The following B4GALNT2 variants were observed in gnomAD, a reference collection of about 807,000 sequenced individuals.
B4GALNT2 encodes the protein beta-1,4-N-acetyl-galactosaminyltransferase 2 (SID blood group).
Under a neutral mutation model 51.1 loss-of-function variants are expected in B4GALNT2, and 42 were observed. That is an observed-to-expected ratio of 0.82 (90% CI 0.64 to 1.06). The LOEUF is 1.06. Ranked by LOEUF, B4GALNT2 falls within the 50% of genes least tolerant of loss-of-function variation. B4GALNT2 has a pLI of 0.00. For missense variants in B4GALNT2, 602 were observed against 633.6 expected, an observed-to-expected ratio of 0.95 and a Z score of 0.54; for synonymous variants, 253 against 251.7, an observed-to-expected ratio of 1.01 and a Z score of -0.05.
intron 6 of B4GALNT2, among the ~76,000 whole-genome samples, chr17:49,159,626 T>C (rs1280767388): frequency 6.6e-6 from 1 of 152,130 alleles, no homozygotes; most frequent in African/African-American, 2.4e-5. Flanking sequence ...AGGCGTGAGC[T>C]ACAGCGTCTG....
At chr17:49,165,598 CTCTT>C (rs1217693663) in intron 8 of B4GALNT2, among the ~76,000 whole-genome samples, 40 of 139,460 alleles carry the variant, frequency 2.9e-4, no homozygotes, top group African/African-American at 8.9e-4. Flanking sequence ...TCCCCACTCT[CTCTT>C]TCTCTCTCCC....
intron 6 of B4GALNT2, among the ~76,000 whole-genome samples, 195 bp from the exon 7 acceptor site, chr17:49,160,360 A>G (rs1239426782): frequency 6.6e-6 from 1 of 152,186 alleles, no homozygotes; most frequent in Non-Finnish European, 1.5e-5. Context: ...CTTAGGAGTC[A>G]TTCAGCACGT....
At chr17:49,154,301 G>A (rs999456379) in intron 4 of B4GALNT2, among the ~76,000 whole-genome samples, 7 of 152,008 alleles carry the variant, frequency 4.6e-5, no homozygotes, top group Admixed American at 1.3e-4. Context: ...GAGCCTGGCC[G>A]GGAGTGCATT....
At position 49,170,643 on chromosome 17, in the gene B4GALNT2, A is replaced by T. The variant is rs1411880335; in HGVS notation, c.*915A>T. On this transcript the variant is annotated 3_prime_UTR_variant, in exon 11 of 11. Coordinates refer to ENST00000393354, the MANE Select transcript of B4GALNT2 (RefSeq NM_001159387.2). ...CTTTCTGTTGCCTGGGGGTTGGCAG[A>T]TTGCCGAGACCAGCTTGGTCATGGA... is the stretch of plus-strand genomic sequence containing the variant. 6.6e-6 allele frequency: 1 copy of T among 152,276 alleles called. No individual in the cohort carries two copies. Among genetic ancestry groups the T allele is most frequent in the Non-Finnish European group, 1.5e-5 (1 of 68,072 alleles). The allele number at this position is 152,276 out of a possible 1,614,324, so 9.4% of individuals were successfully genotyped here.
At position 49,172,664 on chromosome 17, in the gene B4GALNT2, CAT is replaced by C. The variant is rs1441583385; in HGVS notation, c.*2940_*2941del. The C allele has an allele frequency of 1.3e-5, 2 of 153,464 alleles. No homozygotes were observed. The highest frequency in any genetic ancestry group is 4.8e-5 in the African/African-American group (2 of 41,424). 9.5% of individuals were successfully genotyped at this position (153,464 alleles called of 1,614,324 possible). A position where few individuals can be genotyped will look rare whatever the true frequency, so the allele number is the denominator to read the frequency against. Reference sequence around the variant, plus strand: ...GATGCCAGTAATGTGTTTAATATTCCATATAGAGAAAAATGTAGCTAGAGCTT... The same window carrying C: ...GATGCCAGTAATGTGTTTAATATTCCATAGAGAAAAATGTAGCTAGAGCTT... On this transcript the variant is annotated 3_prime_UTR_variant, in exon 11 of 11. Transcript: ENST00000393354.
At chr17:49,139,899 G>A (rs1249781516) in intron 1 of B4GALNT2, among the ~76,000 whole-genome samples, 1 of 151,230 alleles carries the variant, frequency 6.6e-6, no homozygotes, top group Non-Finnish European at 1.5e-5. Flanking sequence ...CCTAATACGT[G>A]GCCAACTTTT....
the B4GALNT2 span, among the ~76,000 whole-genome samples, chr17:49,125,861 G>C: frequency 7.6e-6 from 1 of 131,026 alleles, no homozygotes; most frequent in African/African-American, 2.8e-5. Flanking sequence ...CAGCCACCCC[G>C]TCCGGGAGGG....
intron 7 of B4GALNT2, among the ~76,000 whole-genome samples, chr17:49,162,833 A>G (rs534505091): frequency 6.5e-4 from 90 of 139,224 alleles, no homozygotes; most frequent in African/African-American, 2.0e-3. Context: ...GAATCGCTTG[A>G]ACCTGGGAGG....
intron 3 of B4GALNT2, among the ~76,000 whole-genome samples, chr17:49,143,042 A>G (rs1163698027): frequency 1.3e-5 from 2 of 152,194 alleles, no homozygotes; most frequent in African/African-American, 4.8e-5. Flanking sequence ...TGAGGTCAGG[A>G]GTTCGAGACC....
chr17:49,122,286 A>T, the B4GALNT2 span, among the ~76,000 whole-genome samples: 2 of 152,166 alleles, frequency 1.3e-5, no homozygotes, highest in African/African-American at 4.8e-5. Flanking sequence ...CAAGATGGTG[A>T]TGCTCCTGCT....
chr17:49,157,840 C>T (rs564965712), intron 5 of B4GALNT2, among the ~76,000 whole-genome samples: 25 of 152,324 alleles, frequency 1.6e-4, no homozygotes, highest in Admixed American at 1.2e-3. Flanking sequence ...CTCTCTTCCA[C>T]GCTGGAATAC....
At chr17:49,149,760 G>C (rs2042731414) in intron 3 of B4GALNT2, among the ~76,000 whole-genome samples, 1 of 152,090 alleles carries the variant, frequency 6.6e-6, no homozygotes, top group Non-Finnish European at 1.5e-5. Flanking sequence ...CTTTCACCTA[G>C]CATCTTACTT....
At chr17:49,120,419 G>A in the B4GALNT2 span, among the ~76,000 whole-genome samples, 77,808 of 151,748 alleles carry the variant, frequency 0.51, 20,330 homozygotes, top group Middle Eastern at 0.63. Flanking sequence ...AACCAGAGGC[G>A]GAAGGGTAAA....
intron 3 of B4GALNT2, among the ~76,000 whole-genome samples, chr17:49,150,515 A>T (rs1046976883): frequency 1.3e-5 from 2 of 152,008 alleles, no homozygotes; most frequent in African/African-American, 4.8e-5. Context: ...GAGAAATCGG[A>T]TGGTTGCCGT....
intron 3 of B4GALNT2, among the ~76,000 whole-genome samples, chr17:49,150,248 G>A (rs951056013): frequency 2.1e-5 from 3 of 145,380 alleles, no homozygotes; most frequent in Non-Finnish European, 4.5e-5. Flanking sequence ...GAGGGAGGTG[G>A]GGGGGTCAGC....
Position 49,132,816 on chromosome 17 carries a change from C to T in B4GALNT2, c.14+10C>T, listed in dbSNP as rs1217349768. The stretch of plus-strand genomic sequence containing the variant: ...GGATGACTTCGGGCGGGTGAGTGTC[C>T]CCGGGGCAGAGCAGAGCGAGAGGTG... On this transcript the variant is annotated intron_variant, in intron 1 of 10. Coordinates refer to ENST00000393354, the MANE Select transcript of B4GALNT2 (RefSeq NM_001159387.2). The T allele has an allele frequency of 1.0e-5, 14 of 1,376,616 alleles. No individual in the cohort carries two copies. The highest frequency in any genetic ancestry group is 1.3e-5 in the Non-Finnish European group (14 of 1,063,424). The allele number at this position is 1,376,616 out of a possible 1,614,324, so 85.3% of individuals were successfully genotyped here. A position where few individuals can be genotyped will look rare whatever the true frequency, so the allele number is the denominator to read the frequency against.
In B4GALNT2 at chr17:49,152,923, A is replaced by G. The variant is rs765654027; in HGVS notation, c.460+17A>G. 3 of 1,582,186 alleles carry G rather than the reference A, an allele frequency of 1.9e-6. No individual in the cohort carries two copies. Among genetic ancestry groups the G allele is most frequent in the South Asian group, 2.3e-5 (2 of 88,440 alleles). ...CCATCCCAGGTAAGTACATCCACAT[A>G]CCAAGAGACCCCAGACAACATTCTC... On this transcript the variant is annotated intron_variant, in intron 4 of 10. Coordinates refer to ENST00000393354, the MANE Select transcript of B4GALNT2 (RefSeq NM_001159387.2).
intron 3 of B4GALNT2, among the ~76,000 whole-genome samples, chr17:49,152,305 G>T (rs2042765277): frequency 6.6e-6 from 1 of 152,190 alleles, no homozygotes; most frequent in Non-Finnish European, 1.5e-5. Context: ...CTGAGCCAGG[G>T]AGGTCAAGAC....
At chr17:49,138,562 T>A (rs914737070) in intron 1 of B4GALNT2, among the ~76,000 whole-genome samples, 1 of 152,220 alleles carries the variant, frequency 6.6e-6, no homozygotes, top group Non-Finnish European at 1.5e-5. Context: ...AGCTATCTCA[T>A]CTGATCATTG....
Sources: allele counts gnomAD v4.1 joint callset (sites outside exome capture counted in the v4.1 genomes callset), GRCh38; gene constraint gnomAD v4.1.1; transcripts MANE v1.5; gene names NCBI Gene and HGNC (gene_info 2026-07-23, HGNC 2026-07-21).